The following CMIP variants were observed in gnomAD, a reference collection of about 807,000 sequenced individuals.
CMIP encodes c-Maf inducing protein.
CMIP carries 13 observed loss-of-function variants against 97.3 expected under a neutral mutation model. The observed-to-expected ratio is 0.13, with a 90% CI of 0.09 to 0.21. CMIP has a LOEUF of 0.21. Among genes scored for constraint, CMIP ranks in the 10% least tolerant of loss-of-function variants. The probability of loss-of-function intolerance (pLI) is 1.00; values close to 1 mark genes in which losing one functional copy is unlikely to be tolerated. For synonymous variants in CMIP, 538 were observed against 436.3 expected (o/e 1.23, Z -2.91); for missense variants, 847 against 1,024.9 (o/e 0.83, Z 2.37).
chr16:81,670,620 T>TG (rs10542852), intron 8 of CMIP, among the ~76,000 whole-genome samples: 350 of 98,220 alleles, frequency 3.6e-3, no homozygotes, highest in East Asian at 0.021. Context: ...GGGTTTTTTT[T>TG]GGGGGGGGGG....
chr16:81,701,662 C>G lies in CMIP; in HGVS notation c.1758C>G (p.Ile586Met), dbSNP rs755901251. The G allele has an allele frequency of 9.9e-6, 16 of 1,613,786 alleles. No individual in the cohort carries two copies. In the East Asian group the frequency reaches 1.1e-4, roughly 11 times the overall value. The change falls in exon 16 of 21, where the codon ATC becomes ATG. Residue 586 changes from isoleucine (I) to methionine (M), a missense_variant and splice_region_variant. By Grantham distance (10) the Ile-to-Met change is conservative. Transcript: ENST00000537098. ...ALRGNQTMVE[I>M]LCLMLEYNII... The stretch of plus-strand genomic sequence containing the variant: ...TGCACCCCTGCGGTTCTGGACAGAT[C>G]CTGTGCTTGATGCTGGAATACAACA...
intron 1 of CMIP, among the ~76,000 whole-genome samples, chr16:81,492,659 C>G (rs1165779680): frequency 6.6e-6 from 1 of 151,102 alleles, no homozygotes; most frequent in Non-Finnish European, 1.5e-5. Flanking sequence ...GAGGAGGAGG[C>G]AAAACAGGGG....
intron 2 of CMIP, among the ~76,000 whole-genome samples, chr16:81,608,149 T>C (rs2091774597): frequency 6.6e-6 from 1 of 152,202 alleles, no homozygotes; most frequent in East Asian, 1.9e-4. Flanking sequence ...ATAAGCTATC[T>C]TTTTGGGAAA....
chr16:81,694,508 G>A (rs1906476745), intron 13 of CMIP, among the ~76,000 whole-genome samples: 2 of 152,194 alleles, frequency 1.3e-5, no homozygotes, highest in African/African-American at 4.8e-5. Context: ...GAGGACACAT[G>A]GACACCAAGG....
At chr16:81,675,109 G>A (rs946274654) in intron 9 of CMIP, among the ~76,000 whole-genome samples, 9 of 152,190 alleles carry the variant, frequency 5.9e-5, no homozygotes, top group African/African-American at 1.9e-4. Context: ...TGTTCTCCAG[G>A]CAAGAAGCAG....
chr16:81,487,542 A>G (rs1056219437), intron 1 of CMIP, among the ~76,000 whole-genome samples: 7 of 152,310 alleles, frequency 4.6e-5, no homozygotes, highest in Admixed American at 2.0e-4. Context: ...TCCAGGCAGC[A>G]ACTCCTCTCC....
At chr16:81,605,129 A>T (rs188386808) in intron 1 of CMIP, among the ~76,000 whole-genome samples, 2 of 152,330 alleles carry the variant, frequency 1.3e-5, no homozygotes, top group South Asian at 4.1e-4. Context: ...TCAGGACAAG[A>T]CATACTGTTA....
intron 1 of CMIP, among the ~76,000 whole-genome samples, chr16:81,520,882 C>T (rs956305920): frequency 6.6e-6 from 1 of 152,130 alleles, no homozygotes; most frequent in African/African-American, 2.4e-5. Context: ...GGGCCTAATC[C>T]TGGTGCCTGG....
In CMIP at chr16:81,453,124, C is replaced by A. The variant is rs1309102791; in HGVS notation, c.300+7583C>A. ...TGAGGGGAAGTGTGTCGGCAAAGACCCTTGCAGCTGGCTCAGCAGCCCACC... is the reference window on the plus strand; with the variant it reads ...TGAGGGGAAGTGTGTCGGCAAAGACACTTGCAGCTGGCTCAGCAGCCCACC... On this transcript the variant is annotated intron_variant, in intron 1 of 20. Coordinates refer to ENST00000537098, the MANE Select transcript of CMIP (RefSeq NM_198390.3). The surrounding 1 kb of genome is among the most constrained non-coding windows in gnomAD (Gnocchi z 4.0). 1.3e-5 allele frequency among the ~76,000 whole-genome samples: 2 copies of A among 152,074 alleles called. No homozygotes were observed. The highest frequency in any genetic ancestry group is 2.9e-5 in the Non-Finnish European group (2 of 68,002).
chr16:81,612,548 G>A (rs1323447648), intron 2 of CMIP, among the ~76,000 whole-genome samples: 1 of 152,198 alleles, frequency 6.6e-6, no homozygotes, highest in East Asian at 1.9e-4. Context: ...TTTTCCCTAA[G>A]AAACTGGGCC....
At chr16:81,541,352 A>G (rs1218634640) in intron 1 of CMIP, among the ~76,000 whole-genome samples, 1 of 152,056 alleles carries the variant, frequency 6.6e-6, no homozygotes. Context: ...GTCTTTTTGG[A>G]GATGTGTTTT....
intron 4 of CMIP, among the ~76,000 whole-genome samples, chr16:81,654,230 C>CA (rs1424625740): frequency 7.0e-6 from 1 of 143,400 alleles, no homozygotes; most frequent in African/African-American, 3.0e-5. Flanking sequence ...CCTCCTTGGG[C>CA]TTTATTATTA....
chr16:81,687,856 G>A (rs999199462), intron 10 of CMIP, among the ~76,000 whole-genome samples: 3 of 152,206 alleles, frequency 2.0e-5, no homozygotes, highest in African/African-American at 7.2e-5. Context: ...AACTCCCGAA[G>A]CTATTGCTTC....
intron 1 of CMIP, among the ~76,000 whole-genome samples, chr16:81,493,145 C>G (rs1475084883): frequency 6.6e-6 from 1 of 152,122 alleles, no homozygotes; most frequent in African/African-American, 2.4e-5. Flanking sequence ...TACGTCCTCA[C>G]AGAGGACCTA....
In CMIP at chr16:81,544,375, G is replaced by A. The variant is rs527618790; in HGVS notation, c.301-63192G>A. Among the ~76,000 whole-genome samples, 5 of 152,248 alleles carry A rather than the reference G, an allele frequency of 3.3e-5. No individual in the cohort carries two copies. The South Asian group carries it at 1.0e-3, about 32-fold the overall frequency. On this transcript the variant is annotated intron_variant, in intron 1 of 20. Transcript: ENST00000537098. ...ATGTGTGTGGCGTGAACACGTGAGG[G>A]CATTATTTTGAAAGAATTACTGATA...
chr16:81,471,478 GCA>G (rs1408785697), intron 1 of CMIP, among the ~76,000 whole-genome samples: 4 of 152,082 alleles, frequency 2.6e-5, no homozygotes, highest in African/African-American at 9.7e-5. Flanking sequence ...ATGCAGACAT[GCA>G]CACAGATACA....
chr16:81,517,647 A>G (rs757192486), intron 1 of CMIP, among the ~76,000 whole-genome samples: 3 of 152,202 alleles, frequency 2.0e-5, no homozygotes, highest in Non-Finnish European at 4.4e-5. Flanking sequence ...ATTGCAAAGT[A>G]TGTAATAGGC....
rs1438662575 is a variant in CMIP at position 81,616,637 on chromosome 16, C to A, written c.427-4239C>A. Among the ~76,000 whole-genome samples, 1 of 152,232 alleles carries A rather than the reference C, an allele frequency of 6.6e-6. No homozygotes were observed. The highest frequency in any genetic ancestry group is 1.5e-5 in the Non-Finnish European group (1 of 68,040). On this transcript the variant is annotated intron_variant, in intron 2 of 20. Transcript: ENST00000537098. This position sits in a 1 kb window ranked among gnomAD's most constrained non-coding sequence, Gnocchi z 4.7. ...CCTTCTTCCTGGACTGCCACACCGA[C>A]CTCCAAGAGTTGAGAGGATCCCAGA...
chr16:81,603,315 G>A (rs183611053), intron 1 of CMIP: 8 of 446,622 alleles, frequency 1.8e-5, no homozygotes, highest in Admixed American at 4.8e-5. Context: ...TCAAGGTGAC[G>A]TCATGATCCG....
Sources: allele counts gnomAD v4.1 joint callset (sites outside exome capture counted in the v4.1 genomes callset), GRCh38; gene constraint gnomAD v4.1.1; non-coding constraint Gnocchi (gnomAD v3.1); transcripts MANE v1.5; gene names NCBI Gene and HGNC (gene_info 2026-07-23, HGNC 2026-07-21).